MYO1B: variants seen among roughly 807,000 people sequenced by gnomAD.
MYO1B encodes unconventional myosin-Ib.
In MYO1B, 72 loss-of-function variants were observed where a neutral mutation model predicts 159.7. The observed-to-expected ratio is 0.45, with a 90% CI of 0.37 to 0.55. The LOEUF (loss-of-function observed/expected upper bound fraction) is 0.55. Among genes scored for constraint, MYO1B ranks in the 20% least tolerant of loss-of-function variants. The pLI, the probability that MYO1B is intolerant of heterozygous loss-of-function variation, is 0.00. For missense variants in MYO1B, 1,062 were observed against 1,364.8 expected (o/e 0.78, Z 3.50); for synonymous variants, 468 against 473.8 (o/e 0.99, Z 0.16).
At chr2:191,419,043 T>C (rs1194840675) in intron 30 of MYO1B, among the ~76,000 whole-genome samples, 5 of 152,372 alleles carry the variant, frequency 3.3e-5, no homozygotes, top group African/African-American at 9.6e-5. Flanking sequence ...TGTCTATTGA[T>C]GTCACAGGTG....
At chr2:191,420,732 T>C (rs1158029490) in intron 30 of MYO1B, among the ~76,000 whole-genome samples, 1 of 152,262 alleles carries the variant, frequency 6.6e-6, no homozygotes, top group Non-Finnish European at 1.5e-5. Flanking sequence ...AATATATGTG[T>C]GTGTATATAC....
intron 6 of MYO1B, among the ~76,000 whole-genome samples, chr2:191,347,370 T>C (rs1559188430): frequency 6.6e-6 from 1 of 152,240 alleles, no homozygotes; most frequent in African/African-American, 2.4e-5. Flanking sequence ...TGTGGTAACA[T>C]GGCTAATCTC....
chr2:191,394,366 C>T (rs893892633), intron 20 of MYO1B, among the ~76,000 whole-genome samples: 1 of 152,210 alleles, frequency 6.6e-6, no homozygotes, highest in Middle Eastern at 3.4e-3. Context: ...AAGGGAGGAC[C>T]AACAAGAGGA....
rs376291566 is a variant in MYO1B at position 191,416,246 on chromosome 2, C to G, written c.3287+4C>G. On this transcript the variant is annotated splice_donor_region_variant and intron_variant, in intron 30 of 30. Coordinates refer to ENST00000392318, the MANE Select transcript of MYO1B (RefSeq NM_001130158.3). ...TCAATATTGAGATTTCCGATGAGTA[C>G]GTTCATGTATTGTTTGAAAACCCTT... 1.2e-6 allele frequency: 2 copies of G among 1,613,962 alleles called. No individual in the cohort carries two copies. Among genetic ancestry groups the G allele is most frequent in the Non-Finnish European group, 8.5e-7 (1 of 1,180,004 alleles).
chr2:191,252,853 T>G (rs1035888443), intron 1 of MYO1B, among the ~76,000 whole-genome samples: 11 of 152,206 alleles, frequency 7.2e-5, no homozygotes, highest in Non-Finnish European at 1.3e-4. Context: ...CCATCTTGAC[T>G]TTGGATTCTA....
At chr2:191,257,694 AT>A (rs977452958) in intron 1 of MYO1B, among the ~76,000 whole-genome samples, 76 of 152,338 alleles carry the variant, frequency 5.0e-4, no homozygotes, top group African/African-American at 1.7e-3. Flanking sequence ...GCTGACATAG[AT>A]TTGAAAGAAG....
At chr2:191,357,379 A>G (rs1693369427) in intron 7 of MYO1B, among the ~76,000 whole-genome samples, 1 of 152,124 alleles carries the variant, frequency 6.6e-6, no homozygotes, top group Non-Finnish European at 1.5e-5. Flanking sequence ...GCGGCAGCGC[A>G]GTGGGGCGGG....
intron 24 of MYO1B, among the ~76,000 whole-genome samples, chr2:191,405,256 C>T (rs1490476852): frequency 6.6e-6 from 1 of 152,170 alleles, no homozygotes; most frequent in African/African-American, 2.4e-5. Context: ...AATTCAGTCC[C>T]ATCTTCAGGT....
At chr2:191,333,354 C>T (rs116439569) in intron 4 of MYO1B, among the ~76,000 whole-genome samples, 4,186 of 152,242 alleles carry the variant, frequency 0.027, 67 homozygotes, top group Middle Eastern at 0.041. Context: ...CTTGATTTCT[C>T]TCTTTACCCT....
At chr2:191,418,709 G>A (rs1447869841) in intron 30 of MYO1B, among the ~76,000 whole-genome samples, 4 of 151,966 alleles carry the variant, frequency 2.6e-5, no homozygotes, top group African/African-American at 4.8e-5. Flanking sequence ...GGCTGGTCTC[G>A]AACTCCTGAC....
Position 191,372,550 on chromosome 2 carries a change from A to G in MYO1B, c.1185+2258A>G, listed in dbSNP as rs116804296. Among the ~76,000 whole-genome samples the G allele has an allele frequency of 3.8e-3, 580 of 152,332 alleles. 4 individuals are homozygous for G. The highest frequency in any genetic ancestry group is 0.013 in the African/African-American group (557 of 41,572). On this transcript the variant is annotated intron_variant, in intron 13 of 30. Transcript: ENST00000392318. ...TGGAGCTTAGAGTCTTAGCCCTAAG[A>G]TTGAGAGTCTGTGGCTGCCAGAGGA...
intron 7 of MYO1B, among the ~76,000 whole-genome samples, chr2:191,351,348 G>T (rs988990516): frequency 6.6e-6 from 1 of 152,116 alleles, no homozygotes; most frequent in Admixed American, 6.5e-5. Flanking sequence ...GAGATGGGTA[G>T]CCCAGAATCC....
intron 2 of MYO1B, among the ~76,000 whole-genome samples, chr2:191,288,402 G>A (rs1023242745): frequency 2.0e-5 from 3 of 152,066 alleles, no homozygotes; most frequent in Non-Finnish European, 2.9e-5. Flanking sequence ...AGCTTTCTCG[G>A]ACCTCTGCAG....
intron 1 of MYO1B, among the ~76,000 whole-genome samples, chr2:191,261,957 T>TA (rs921297060): frequency 6.6e-5 from 10 of 151,246 alleles, no homozygotes; most frequent in Non-Finnish European, 7.4e-5. Flanking sequence ...TTAACTGACT[T>TA]AAAAAAAAAT....
chr2:191,297,252 C>T (rs1007855622), intron 3 of MYO1B, among the ~76,000 whole-genome samples: 3 of 152,194 alleles, frequency 2.0e-5, no homozygotes, highest in Admixed American at 1.3e-4. Flanking sequence ...TGCCTCCTCT[C>T]CTGTGGGCAT....
At position 191,392,098 on chromosome 2, in the gene MYO1B, A is replaced by AT; in HGVS notation, c.1983-3dup. On this transcript the variant is annotated splice_polypyrimidine_tract_variant and intron_variant, in intron 18 of 30. Coordinates refer to ENST00000392318, the MANE Select transcript of MYO1B (RefSeq NM_001130158.3). ...CAGAAAACTCACTGTTTTTATTTTT[A>AT]TTTTTTTAGGTCTGGTGTGGAGGTC... 4 of 1,580,912 alleles carry AT rather than the reference A, an allele frequency of 2.5e-6. No individual in the cohort carries two copies. Among genetic ancestry groups the AT allele is most frequent in the Middle Eastern group, 1.7e-4 (1 of 5,724 alleles).
chr2:191,412,091 A>ATT (rs1697282990), intron 27 of MYO1B, among the ~76,000 whole-genome samples: 1 of 152,204 alleles, frequency 6.6e-6, no homozygotes, highest in Non-Finnish European at 1.5e-5. Context: ...GGGTTTAAAT[A>ATT]TTTTAAATTG....
At chr2:191,256,248 C>T (rs1686438826) in intron 1 of MYO1B, among the ~76,000 whole-genome samples, 2 of 152,142 alleles carry the variant, frequency 1.3e-5, no homozygotes, top group South Asian at 4.2e-4. Context: ...TGACTCTTCT[C>T]CTTAGTAGCC....
intron 5 of MYO1B, among the ~76,000 whole-genome samples, chr2:191,343,980 G>T (rs576136219): frequency 6.6e-6 from 1 of 152,326 alleles, no homozygotes; most frequent in African/African-American, 2.4e-5. Context: ...GTTTAGGGTT[G>T]TGTTTAGTAA....
Sources: allele counts gnomAD v4.1 joint callset (sites outside exome capture counted in the v4.1 genomes callset), GRCh38; gene constraint gnomAD v4.1.1; transcripts MANE v1.5; gene names NCBI Gene and HGNC (gene_info 2026-07-23, HGNC 2026-07-21).